INPP4B: variants seen among roughly 807,000 people sequenced by gnomAD.
The protein encoded by INPP4B is inositol polyphosphate 4-phosphatase type II.
A neutral mutation model predicts 122.5 loss-of-function variants in INPP4B; 55 were observed. That is an observed-to-expected ratio of 0.45 (90% confidence interval 0.36 to 0.56). The LOEUF (loss-of-function observed/expected upper bound fraction) is 0.56, where lower values mean the gene tolerates loss of function less well. Ranked by LOEUF, INPP4B falls within the 20% of genes least tolerant of loss-of-function variation. INPP4B has a pLI of 0.00. For synonymous variants in INPP4B, 403 were observed against 388.7 expected (o/e 1.04, Z -0.43); for missense variants, 1,000 against 1,097.7 (o/e 0.91, Z 1.26).
At chr4:142,623,338 T>A (rs539395366) in intron 2 of INPP4B, among the ~76,000 whole-genome samples, 1 of 152,094 alleles carries the variant, frequency 6.6e-6, no homozygotes, top group African/African-American at 2.4e-5. Flanking sequence ...GGAATCTTCC[T>A]GGCTTGGTGA....
intron 2 of INPP4B, among the ~76,000 whole-genome samples, chr4:142,715,796 A>C (rs1241890834): frequency 6.6e-6 from 1 of 152,184 alleles, no homozygotes; most frequent in Admixed American, 6.5e-5. Flanking sequence ...TTAGGCTGGG[A>C]CCATGGGGAG....
intron 2 of INPP4B, among the ~76,000 whole-genome samples, chr4:142,517,823 C>A (rs1167463053): frequency 1.3e-5 from 2 of 152,178 alleles, no homozygotes; most frequent in African/African-American, 4.8e-5. Context: ...TAGCTCTTCA[C>A]ACCTCCACTT....
At position 142,329,890 on chromosome 4, in the gene INPP4B, C is replaced by T. The variant is rs1773814198; in HGVS notation, c.373-15128G>A. ...TCCACTATTTACACTTTTTTTTACA[C>T]TGTAAATATTAAAGGGCAACACAGC... On this transcript the variant is annotated intron_variant, in intron 7 of 25. Transcript: ENST00000262992. 2.6e-5 allele frequency among the ~76,000 whole-genome samples: 4 copies of T among 151,872 alleles called. No individual in the cohort carries two copies. In the South Asian group the frequency reaches 8.3e-4, roughly 32 times the overall value.
intron 2 of INPP4B, among the ~76,000 whole-genome samples, chr4:142,669,762 G>C (rs574491931): frequency 6.6e-6 from 1 of 152,266 alleles, no homozygotes; most frequent in Non-Finnish European, 1.5e-5. Flanking sequence ...GTAATGTTTT[G>C]GATATTACCC....
intron 2 of INPP4B, among the ~76,000 whole-genome samples, chr4:142,637,674 T>C (rs1749472878): frequency 6.6e-6 from 1 of 152,192 alleles, no homozygotes; most frequent in Admixed American, 6.5e-5. Context: ...GTGCAAGTTT[T>C]TGTGTGAACA....
intron 1 of INPP4B, among the ~76,000 whole-genome samples, chr4:142,806,177 G>A (rs1213133538): frequency 1.3e-5 from 2 of 149,550 alleles, no homozygotes; most frequent in African/African-American, 4.9e-5. Context: ...TACTAGGGAG[G>A]TTGAGGCAGG....
rs1820586692 is a variant in INPP4B, at chr4:142,162,433, C to T, written c.1360-1872G>A. Among the ~76,000 whole-genome samples, 3 of 151,782 alleles carry T rather than the reference C, an allele frequency of 2.0e-5. No homozygotes were observed. The East Asian group carries it at 5.8e-4, about 29-fold the overall frequency. ...TTTTATATAGCATGGATGTGCTTATCAGTGTGACTTTAAATATTAAAAGCA... is the reference window on the plus strand; with the variant it reads ...TTTTATATAGCATGGATGTGCTTATTAGTGTGACTTTAAATATTAAAAGCA... On this transcript the variant is annotated intron_variant, in intron 16 of 25. Transcript: ENST00000262992.
chr4:142,624,089 T>C (rs1438591114), intron 2 of INPP4B, among the ~76,000 whole-genome samples: 1 of 151,184 alleles, frequency 6.6e-6, no homozygotes, highest in African/African-American at 2.4e-5. Context: ...TACCCAGTAA[T>C]GGGATGGCTG....
At chr4:142,140,877 T>C (rs66532978) in intron 18 of INPP4B, among the ~76,000 whole-genome samples, 13,091 of 152,282 alleles carry the variant, frequency 0.086, 712 homozygotes, top group Middle Eastern at 0.17. Flanking sequence ...CCAGCTTAGA[T>C]ATCATTATAT....
rs527355894 is a variant in INPP4B at position 142,584,360 on chromosome 4, C to T, written c.-190-121634G>A. Among the ~76,000 whole-genome samples, 3 of 152,218 alleles carry T rather than the reference C, an allele frequency of 2.0e-5. No individual in the cohort carries two copies. In the East Asian group the frequency reaches 5.8e-4, roughly 29 times the overall value. On this transcript the variant is annotated intron_variant, in intron 2 of 25. Transcript: ENST00000262992. Reference sequence around the variant, plus strand: ...ACATTATTATTATCTAAAGTTCAGACTTTATGCAGATTTTCTTAGTTCATT... The same window carrying T: ...ACATTATTATTATCTAAAGTTCAGATTTTATGCAGATTTTCTTAGTTCATT...
chr4:142,433,384 A>G (rs1020001769), intron 3 of INPP4B, among the ~76,000 whole-genome samples: 12 of 152,106 alleles, frequency 7.9e-5, no homozygotes, highest in African/African-American at 2.9e-4. Context: ...CACATCTTTT[A>G]TCTTACTCAG....
intron 5 of INPP4B, among the ~76,000 whole-genome samples, chr4:142,414,080 T>A (rs991101863): frequency 1.3e-5 from 2 of 152,212 alleles, no homozygotes; most frequent in African/African-American, 2.4e-5. Context: ...CACATTGAGA[T>A]TTGAGCATCA....
At chr4:142,260,632 A>T in intron 10 of INPP4B, 68 bp from the exon 11 acceptor site, 2 of 1,090,162 alleles carry the variant, frequency 1.8e-6, no homozygotes, top group Non-Finnish European at 2.7e-6. Flanking sequence ...ATATTATTTT[A>T]TTTGCAAAAC....
chr4:142,802,042 T>C (rs1283106553), intron 1 of INPP4B, among the ~76,000 whole-genome samples: 4 of 152,062 alleles, frequency 2.6e-5, no homozygotes, highest in African/African-American at 9.7e-5. Flanking sequence ...TAGGACTTGG[T>C]CACATACAGA....
chr4:142,804,564 A>T (rs957458314), intron 1 of INPP4B, among the ~76,000 whole-genome samples: 5 of 151,904 alleles, frequency 3.3e-5, no homozygotes, highest in African/African-American at 1.2e-4. Flanking sequence ...GACACTTTTG[A>T]TTCCCTTTCC....
At chr4:142,213,644 G>A (rs778808886) in intron 12 of INPP4B, among the ~76,000 whole-genome samples, 9 of 152,098 alleles carry the variant, frequency 5.9e-5, no homozygotes, top group South Asian at 2.1e-4. Context: ...TCTCTTGCTC[G>A]TATTCCTTGT....
intron 25 of INPP4B, among the ~76,000 whole-genome samples, chr4:142,035,931 T>TA (rs1417599947): frequency 1.3e-5 from 2 of 152,114 alleles, no homozygotes; most frequent in African/African-American, 2.4e-5. Flanking sequence ...TTCTTTTTTT[T>TA]AAAATCTTTC....
At chr4:142,795,142 A>G (rs1049972851) in intron 1 of INPP4B, 1 of 152,010 alleles carries the variant, frequency 6.6e-6, no homozygotes, top group African/African-American at 2.4e-5. Context: ...GACATATAAC[A>G]TTAAGTGAAA....
intron 2 of INPP4B, among the ~76,000 whole-genome samples, chr4:142,514,813 T>G (rs890680390): frequency 6.7e-6 from 1 of 149,610 alleles, no homozygotes; most frequent in African/African-American, 2.5e-5. Flanking sequence ...TTTTTTTTTT[T>G]GAGACGAAGT....
Sources: gnomAD v4.1 joint callset for allele counts (sites outside exome capture counted in the v4.1 genomes callset) on GRCh38, gnomAD v4.1.1 for gene constraint, MANE v1.5 for transcripts, NCBI Gene and HGNC (gene_info 2026-07-23, HGNC 2026-07-21) for gene names.